ACTR8: variants seen among roughly 807,000 people sequenced by gnomAD.
ACTR8 encodes actin-related protein 8.
A neutral mutation model predicts 84.3 loss-of-function variants in ACTR8; 70 were observed. The ratio of observed to expected loss-of-function variants is 0.83; its 90% CI spans 0.68 to 1.01. The LOEUF is 1.01. Among genes scored for constraint, ACTR8 ranks in the 50% least tolerant of loss-of-function variants. The pLI, the probability that ACTR8 is intolerant of heterozygous loss-of-function variation, is 0.00. For synonymous variants in ACTR8, 268 were observed against 275.2 expected, an observed-to-expected ratio of 0.97 and a Z score of 0.26; for missense variants, 672 against 775.4, an observed-to-expected ratio of 0.87 and a Z score of 1.58.
intron 1 of ACTR8, chr3:53,881,727 G>A: frequency 1.7e-6 from 1 of 596,136 alleles, no homozygotes; most frequent in Non-Finnish European, 2.9e-6. Flanking sequence ...CACACAACCA[G>A]ACGGTGGGGC....
downstream of ACTR8, among the ~76,000 whole-genome samples, chr3:53,866,112 G>A (rs1297746396): frequency 6.6e-6 from 1 of 152,212 alleles, no homozygotes. Context: ...ATAAAAAACA[G>A]GGGTGGGTGC....
At chr3:53,864,632 C>A (rs1006283644), downstream of ACTR8, 8 of 786,928 alleles carry the variant, frequency 1.0e-5, no homozygotes, top group South Asian at 1.2e-4. Flanking sequence ...CTAACAAGGC[C>A]CTTGGTGCTC....
At chr3:53,859,084 G>A in the ACTR8 span, 1 of 337,712 alleles carries the variant, frequency 3.0e-6, no homozygotes, top group Non-Finnish European at 5.4e-6. Context: ...GTGCAAAATG[G>A]ATGTTCTGAG....
chr3:53,882,125 C>T lies in ACTR8; in HGVS notation c.-24G>A, dbSNP rs1700076463. On this transcript the variant is annotated 5_prime_UTR_variant, in exon 1 of 13. Transcript: ENST00000335754. Reference sequence around the variant, plus strand: ...ATTATGGCCGGAGACACCCACCAACCTCTCGCCTCAGCGCTGCAGCCACGA... The same window carrying T: ...ATTATGGCCGGAGACACCCACCAACTTCTCGCCTCAGCGCTGCAGCCACGA... 3.2e-6 allele frequency: 5 copies of T among 1,550,760 alleles called. No individual in the cohort carries two copies. Among genetic ancestry groups the T allele is most frequent in the Non-Finnish European group, 4.4e-6 (5 of 1,146,470 alleles).
rs57504026 is a variant in ACTR8, at chr3:53,870,599, C to T, written c.1568-454G>A. 0.017 allele frequency among the ~76,000 whole-genome samples: 2,645 copies of T among 152,174 alleles called. 74 individuals carry two copies. Among genetic ancestry groups the T allele is most frequent in the East Asian group, 0.11 (573 of 5,162 alleles). ...CCAGGAGGCAGAGGTTGTGGTGAGC[C>T]GCAATCACGCCATTGCACTCTAGCC... On this transcript the variant is annotated intron_variant, in intron 11 of 12. Coordinates refer to ENST00000335754, the MANE Select transcript of ACTR8 (RefSeq NM_022899.5). The surrounding 1 kb of genome is among the most constrained non-coding windows in gnomAD (Gnocchi z 4.1).
intron 8 of ACTR8, among the ~76,000 whole-genome samples, chr3:53,873,926 G>A (rs1279119090): frequency 3.3e-5 from 5 of 152,076 alleles, no homozygotes; most frequent in Admixed American, 6.6e-5. Context: ...CCAGGTTCAC[G>A]CCATTCTCCC....
chr3:53,881,093 C>T (rs1700051319), intron 1 of ACTR8, among the ~76,000 whole-genome samples: 1 of 152,208 alleles, frequency 6.6e-6, no homozygotes, highest in South Asian at 2.1e-4. Context: ...ATGGAGAAAC[C>T]AGGCCTGTGC....
chr3:53,865,077 CTTTA>C (rs1699734984), downstream of ACTR8: 1 of 1,614,138 alleles, frequency 6.2e-7, no homozygotes, highest in African/African-American at 1.3e-5. Flanking sequence ...TCCCCCTTGC[CTTTA>C]ACCTTTTCTG....
chr3:53,865,740 C>CA (rs1220429904), downstream of ACTR8: 1 of 154,698 alleles, frequency 6.5e-6, no homozygotes, highest in East Asian at 1.9e-4. Flanking sequence ...CTATTACATG[C>CA]AAAAAATCAT....
the ACTR8 span, chr3:53,860,170 G>A: frequency 2.5e-6 from 4 of 1,614,144 alleles, no homozygotes; most frequent in South Asian, 2.2e-5. Context: ...TCCTCCTGCT[G>A]TCTCTGCTGG....
At chr3:53,861,762 G>A in the ACTR8 span, among the ~76,000 whole-genome samples, 5 of 152,280 alleles carry the variant, frequency 3.3e-5, no homozygotes, top group African/African-American at 1.2e-4. Flanking sequence ...GTGAGTTCCC[G>A]GATGCCATTA....
At chr3:53,866,672 G>A (rs891644612), downstream of ACTR8, among the ~76,000 whole-genome samples, 6 of 151,840 alleles carry the variant, frequency 4.0e-5, no homozygotes, top group Non-Finnish European at 7.4e-5. Context: ...TAGTAGAGAC[G>A]GGGTTTCACC....
intron 6 of ACTR8, 134 bp from the exon 7 acceptor site, chr3:53,876,214 A>G: frequency 8.6e-7 from 1 of 1,156,670 alleles, no homozygotes; most frequent in Non-Finnish European, 1.2e-6. Context: ...TCCTTTCAGA[A>G]TAAGCATTTA....
chr3:53,864,798 G>C (rs149264259), downstream of ACTR8: 8 of 1,613,952 alleles, frequency 5.0e-6, no homozygotes, highest in African/African-American at 9.3e-5. Context: ...CCCCCATTAA[G>C]GTTCTTGTGG....
At chr3:53,866,487 A>T (rs981740511), downstream of ACTR8, among the ~76,000 whole-genome samples, 10 of 148,292 alleles carry the variant, frequency 6.7e-5, no homozygotes, top group Admixed American at 2.7e-4. Context: ...AATTTTTTAA[A>T]TTTTTTTTTT....
chr3:53,871,210 C>T (rs779124592), intron 11 of ACTR8, 22 bp downstream of exon 11: 34 of 1,599,066 alleles, frequency 2.1e-5, no homozygotes, highest in Middle Eastern at 1.7e-4. Flanking sequence ...TGCTATCTCC[C>T]GGTCTCCCCA....
chr3:53,862,309 G>A (rs1404547034), downstream of ACTR8, among the ~76,000 whole-genome samples: 2 of 152,124 alleles, frequency 1.3e-5, no homozygotes, highest in East Asian at 3.9e-4. Flanking sequence ...AGTACTTTAT[G>A]GAAAGGATTG....
chr3:53,860,139 A>G, the ACTR8 span: 2 of 1,613,844 alleles, frequency 1.2e-6, no homozygotes, highest in Non-Finnish European at 1.7e-6. Flanking sequence ...GACAAAAGCA[A>G]GCCGGGAGGC....
At chr3:53,872,968 T>A in intron 9 of ACTR8, 64 bp downstream of exon 9, 1 of 1,268,820 alleles carries the variant, frequency 7.9e-7, no homozygotes, top group Non-Finnish European at 1.1e-6. Flanking sequence ...GGGCATATTC[T>A]CTCAGTTTGA....
Sources: gnomAD v4.1 joint callset for allele counts (sites outside exome capture counted in the v4.1 genomes callset) on GRCh38, gnomAD v4.1.1 for gene constraint, Gnocchi (gnomAD v3.1) non-coding constraint, MANE v1.5 for transcripts, NCBI Gene and HGNC (gene_info 2026-07-23, HGNC 2026-07-21) for gene names.